The following AURKB variants were observed in gnomAD, a reference collection of about 807,000 sequenced individuals.
AURKB encodes the protein aurora kinase B, also known as aurora kinase B-Sv1.
Under a neutral mutation model 36.5 loss-of-function variants are expected in AURKB, and 28 were observed. That is an observed-to-expected ratio of 0.77 (90% CI 0.57 to 1.05). The LOEUF (loss-of-function observed/expected upper bound fraction) is 1.05, where lower values mean the gene tolerates loss of function less well. AURKB is among the 50% of genes least tolerant of loss of function. AURKB has a pLI of 0.00. For missense variants in AURKB, 383 were observed against 447.4 expected (o/e 0.86, Z 1.30); for synonymous variants, 175 against 172.9 (o/e 1.01, Z -0.09).
At position 8,205,386 on chromosome 17, in the gene AURKB, T is replaced by C; in HGVS notation, c.691A>G (p.Lys231Glu). 2 of 1,613,936 alleles carry C rather than the reference T, an allele frequency of 1.2e-6. No homozygotes were observed. Among genetic ancestry groups the C allele is most frequent in the Non-Finnish European group, 1.7e-6 (2 of 1,179,924 alleles). ...WSVHAPSLRR[K>E]TMCGTLDYLP... ...TAGTCCAGGGTGCCACACATTGTCTTCCTCCTGGGAGGGATAAGGGGCGTG... is the reference window on the plus strand; with the variant it reads ...TAGTCCAGGGTGCCACACATTGTCTCCCTCCTGGGAGGGATAAGGGGCGTG... Residue 231 changes from lysine to glutamate, a missense_variant, in exon 8 of 9, where the codon AAG (lysine) becomes GAG (glutamate). Physicochemically the swap from Lys to Glu is moderately conservative, Grantham distance 56 (BLOSUM62 1). Around this residue, in one of 3 missense-constraint regions of AURKB, gnomAD observed 219 missense variants for 252.6 expected, o/e 0.87. Transcript: ENST00000585124.
chr17:8,207,430 T>C, intron 4 of AURKB, 63 bp from the exon 5 acceptor site: 1 of 1,579,212 alleles, frequency 6.3e-7, no homozygotes, highest in Non-Finnish European at 8.6e-7. Flanking sequence ...GTTTGCTTTC[T>C]CTCTGCTTCC....
intron 3 of AURKB, 38 bp downstream of exon 3, chr17:8,207,700 T>A (rs1433117004): frequency 8.7e-6 from 14 of 1,613,692 alleles, no homozygotes; most frequent in Non-Finnish European, 1.1e-5. Flanking sequence ...CAGACGGTCA[T>A]CTCCCCAGCT....
chr17:8,207,280 T>C lies in AURKB; in HGVS notation c.294A>G (p.Lys98=), dbSNP rs1303297523. The C allele has an allele frequency of 6.2e-7, 1 of 1,614,102 alleles. No individual in the cohort carries two copies. The highest frequency in any genetic ancestry group is 1.7e-5 in the Admixed American group (1 of 59,996). ...CCTTGAGCGCCACGATGAAATGGCT[T>C]TTCTTCTCCCGAGCCAAGTACACGT... The part of the protein sequence containing the change: ...FGNVYLAREK[K]SHFIVALKVL... Residue 98 remains lysine (K), a synonymous_variant, in exon 5 of 9, where the codon AAA becomes AAG. Coordinates refer to ENST00000585124, the MANE Select transcript of AURKB (RefSeq NM_004217.4).
In AURKB at chr17:8,204,908, C is replaced by A; in HGVS notation, c.998G>T (p.Arg333Met). The part of the protein sequence containing the change: ...AHPWVRANSR[R>M]VLPPSALQSV... ...TTGAAGGGCAGAGGGAGGCAGCACC[C>A]TCCGAGAGTTGGCCCGGACCCAAGG... Residue 333 changes from arginine to methionine, a missense_variant, in exon 9 of 9, where the codon AGG becomes ATG. Physicochemically the swap from Arg to Met is moderately conservative, Grantham distance 91 (BLOSUM62 -1). Transcript: ENST00000585124. The A allele has an allele frequency of 6.2e-7, 1 of 1,606,478 alleles. No homozygotes were observed. Among genetic ancestry groups the A allele is most frequent in the Non-Finnish European group, 8.5e-7 (1 of 1,178,236 alleles).
At chr17:8,210,059 T>C in intron 2 of AURKB, 118 bp downstream of exon 2, 1 of 1,364,784 alleles carries the variant, frequency 7.3e-7, no homozygotes, top group Non-Finnish European at 1.0e-6. Context: ...ACCCGTACTT[T>C]GGAGCATAAC....
intron 4 of AURKB, 93 bp from the exon 5 acceptor site, chr17:8,207,460 G>A (rs1985483767): frequency 7.1e-6 from 11 of 1,548,760 alleles, no homozygotes; most frequent in East Asian, 4.6e-5. Flanking sequence ...CCTGTCCTCC[G>A]CCCCACTTGT....
Position 8,206,466 on chromosome 17 carries a change from G to T in AURKB, c.686+25C>A, listed in dbSNP as rs565645444. 3 of 1,613,598 alleles carry T rather than the reference G, an allele frequency of 1.9e-6. No homozygotes were observed. In the South Asian group the frequency reaches 3.3e-5, roughly 18 times the overall value. ...TTTTAATGGCCCAGCCTCACACCCA[G>T]GTCTGGCCTCCCAGGCCACCATACC... On this transcript the variant is annotated intron_variant, in intron 7 of 8. Coordinates refer to ENST00000585124, the MANE Select transcript of AURKB (RefSeq NM_004217.4). This position sits in a 1 kb window ranked among gnomAD's most constrained non-coding sequence, Gnocchi z 4.2.
Position 8,207,131 on chromosome 17 carries a change from G to C in AURKB, c.398+45C>G, listed in dbSNP as rs749976036. ...AGTGGGGCTGAATGAGGAGCTGGGG[G>C]TGAGGGAGCAGAGGGGCTTCGGCTC... On this transcript the variant is annotated intron_variant, in intron 5 of 8. Coordinates refer to ENST00000585124, the MANE Select transcript of AURKB (RefSeq NM_004217.4). The C allele has an allele frequency of 3.8e-6, 6 of 1,581,126 alleles. No individual in the cohort carries two copies. The East Asian group carries it at 1.3e-4, about 36-fold the overall frequency.
rs540418865 is a variant in AURKB, at chr17:8,210,000, C to T, written c.48+177G>A. 3.8e-6 allele frequency: 3 copies of T among 787,212 alleles called. No homozygotes were observed. In the African/African-American group the frequency reaches 5.2e-5, roughly 14 times the overall value. 48.8% of individuals were successfully genotyped at this position (787,212 alleles called of 1,614,324 possible). A position where few individuals can be genotyped will look rare whatever the true frequency, so the allele number is the denominator to read the frequency against. ...TCAGATTCACGTTGGCAGCACCTGA[C>T]AGGATGTGGCTACAAATGACCAGAG... On this transcript the variant is annotated intron_variant, in intron 2 of 8. Coordinates refer to ENST00000585124, the MANE Select transcript of AURKB (RefSeq NM_004217.4).
intron 2 of AURKB, among the ~76,000 whole-genome samples, chr17:8,208,909 G>A (rs1433246989): frequency 6.6e-6 from 1 of 152,208 alleles, no homozygotes; most frequent in African/African-American, 2.4e-5. Context: ...TAAGATGCTT[G>A]AGGCCTTGAA....
At position 8,204,877 on chromosome 17, in the gene AURKB, G is replaced by A. The variant is rs754169634; in HGVS notation, c.1029C>T (p.Val343=). ...RVLPPSALQS[V]A ...GAGTGAATGACAGGGACCATCAGGC[G>A]ACAGATTGAAGGGCAGAGGGAGGCA... The change falls in exon 9 of 9, where the codon GTC becomes GTT. Residue 343 remains valine (V), a synonymous_variant. Coordinates refer to ENST00000585124, the MANE Select transcript of AURKB (RefSeq NM_004217.4). 30 of 1,611,492 alleles carry A rather than the reference G, an allele frequency of 1.9e-5. No homozygotes were observed. The highest frequency in any genetic ancestry group is 1.8e-4 in the East Asian group (8 of 44,864).
rs1390118044 is a variant in AURKB at position 8,208,637 on chromosome 17, A to AAAT, written c.49-800_49-798dup. Among the ~76,000 whole-genome samples the AAAT allele has an allele frequency of 2.5e-5, 3 of 119,042 alleles. No individual in the cohort carries two copies. The Admixed American group carries it at 3.6e-4, about 14-fold the overall frequency. 78.1% of individuals were successfully genotyped at this position (119,042 alleles called of 152,430 possible). Reference sequence around the variant, plus strand: ...ATAAATAAATAAATAAATAAAAAATAAATAACCTAAGTAGGCCTAAGATAA... The same window carrying AAAT: ...ATAAATAAATAAATAAATAAAAAATAAATAATAACCTAAGTAGGCCTAAGATAA... On this transcript the variant is annotated intron_variant, in intron 2 of 8. Coordinates refer to ENST00000585124, the MANE Select transcript of AURKB (RefSeq NM_004217.4).
At chr17:8,210,151 C>A (rs773319368) in intron 2 of AURKB, 26 bp downstream of exon 2, 12 of 1,612,268 alleles carry the variant, frequency 7.4e-6, no homozygotes, top group Non-Finnish European at 1.0e-5. Flanking sequence ...GTCATGGGGG[C>A]GCAGGGACGG....
Position 8,204,921 on chromosome 17 carries a change from C to A in AURKB, c.985G>T (p.Ala329Ser), listed in dbSNP as rs769668225. 1.2e-6 allele frequency: 2 copies of A among 1,607,050 alleles called. No individual in the cohort carries two copies. Among genetic ancestry groups the A allele is most frequent in the East Asian group, 4.5e-5 (2 of 44,828 alleles). Residue 329 changes from alanine to serine, a missense_variant, in exon 9 of 9, where the codon GCC (alanine) becomes TCC (serine). Around this residue, in one of 3 missense-constraint regions of AURKB, gnomAD observed 219 missense variants for 252.6 expected, o/e 0.87. Transcript: ENST00000585124. ...AQVSAHPWVR[A>S]NSRRVLPPSA... ...GGAGGCAGCACCCTCCGAGAGTTGG[C>A]CCGGACCCAAGGGTGGGCTGAGACC...
In AURKB at chr17:8,206,817, G is replaced by C. The variant is rs1985367074; in HGVS notation, c.470C>G (p.Ala157Gly). The change falls in exon 6 of 9, where the codon GCC (alanine) becomes GGC (glycine). Residue 157 changes from alanine (A) to glycine (G), a missense_variant. Transcript: ENST00000585124. This position sits in a 1 kb window ranked among gnomAD's most constrained non-coding sequence, Gnocchi z 4.2. ...RRRIYLILEY[A>G]PRGELYKELQ... ...CTCCTTGTAGAGCTCCCCGCGGGGG[G>C]CATACTCTAGAATCAAGTAGATCCT... 6.2e-7 allele frequency: 1 copy of C among 1,614,126 alleles called. No homozygotes were observed. The highest frequency in any genetic ancestry group is 8.5e-7 in the Non-Finnish European group (1 of 1,180,054).
chr17:8,205,273 C>A lies in AURKB; in HGVS notation c.804G>T (p.Val268=). ...ATGCACTCTCAAAGGGTGGGTTCCC[C>A]ACCAGCAGCTCATAGCAAAGCACTC... ...CIGVLCYELL[V]GNPPFESASH... The change falls in exon 8 of 9, where the codon GTG becomes GTT. Residue 268 remains valine (V), a synonymous_variant. Coordinates refer to ENST00000585124, the MANE Select transcript of AURKB (RefSeq NM_004217.4). The A allele has an allele frequency of 6.2e-7, 1 of 1,614,210 alleles. No homozygotes were observed. Among genetic ancestry groups the A allele is most frequent in the South Asian group, 1.1e-5 (1 of 91,090 alleles).
chr17:8,208,936 A>G (rs781510050), intron 2 of AURKB, among the ~76,000 whole-genome samples: 1 of 152,194 alleles, frequency 6.6e-6, no homozygotes, highest in Non-Finnish European at 1.5e-5. Context: ...AGCAATAACC[A>G]GGATTTACAC....
rs56747013 is a variant in AURKB, at chr17:8,206,351, G to C, written c.686+140C>G. 1 of 1,026,852 alleles carries C rather than the reference G, an allele frequency of 9.7e-7. No individual in the cohort carries two copies. Among genetic ancestry groups the C allele is most frequent in the Admixed American group, 2.8e-5 (1 of 35,672 alleles). 63.6% of individuals were successfully genotyped at this position (1,026,852 alleles called of 1,614,324 possible). On this transcript the variant is annotated intron_variant, in intron 7 of 8. Transcript: ENST00000585124. This position sits in a 1 kb window ranked among gnomAD's most constrained non-coding sequence, Gnocchi z 4.2. ...TCATCATGTTGGCAAATCTAGTCTC[G>C]AACTCCTGACCTCAGGTGATCCGCC...
intron 2 of AURKB, 165 bp downstream of exon 2, chr17:8,210,012 A>G (rs1985892416): frequency 1.1e-6 from 1 of 887,930 alleles, no homozygotes; most frequent in African/African-American, 1.7e-5. Flanking sequence ...GGATGTGGCT[A>G]CAAATGACCA....
Sources: allele counts gnomAD v4.1 joint callset (sites outside exome capture counted in the v4.1 genomes callset), GRCh38; gene constraint gnomAD v4.1.1; regional missense constraint gnomAD v4.1.1; non-coding constraint Gnocchi (gnomAD v3.1); transcripts MANE v1.5; gene names NCBI Gene and HGNC (gene_info 2026-07-23, HGNC 2026-07-21).